SLC35A4: variants seen among roughly 807,000 people sequenced by gnomAD.
SLC35A4 encodes the protein solute carrier family 35 member A4.
In SLC35A4, 9 loss-of-function variants were observed where a neutral mutation model predicts 18.8. The observed-to-expected ratio is 0.48, with a 90% CI of 0.29 to 0.83. The LOEUF (loss-of-function observed/expected upper bound fraction) is 0.83, where lower values mean the gene tolerates loss of function less well. SLC35A4 is among the 40% of genes least tolerant of loss of function. The pLI is 0.09. For missense variants in SLC35A4, 404 were observed against 415.5 expected (o/e 0.97, Z 0.24); for synonymous variants, 189 against 191.9 (o/e 0.98, Z 0.13).
At position 140,566,987 on chromosome 5, in the gene SLC35A4, G is replaced by A. The variant is rs1188738765; in HGVS notation, c.-183G>A. 7 of 931,022 alleles carry A rather than the reference G, an allele frequency of 7.5e-6. No individual in the cohort carries two copies. Among genetic ancestry groups the A allele is most frequent in the Non-Finnish European group, 1.2e-5 (7 of 592,724 alleles). 57.7% of individuals were successfully genotyped at this position (931,022 alleles called of 1,614,324 possible). The stretch of plus-strand genomic sequence containing the variant: ...ACTCGCCCCAAGACTGTGGCTTCAA[G>A]GACCACCAGCCCCTTACTCTTCAAG... On this transcript the variant is annotated 5_prime_UTR_variant, in exon 3 of 3. Coordinates refer to ENST00000323146, the MANE Select transcript of SLC35A4 (RefSeq NM_080670.4).
At position 140,566,680 on chromosome 5, in the gene SLC35A4, A is replaced by G. The variant is rs17524123; in HGVS notation, c.-490A>G. ...GCTGTGGGCACCTGCACTGGCATCT[A>G]TGCGGCTCAGGCATATGCTGTGCCC... On this transcript the variant is annotated 5_prime_UTR_variant, in exon 3 of 3. It removes an upstream start codon present in the reference 5' UTR. Transcript: ENST00000323146. 5,545 of 523,564 alleles carry G rather than the reference A, an allele frequency of 0.011. 45 individuals carry two copies. The highest frequency in any genetic ancestry group is 0.014 in the Non-Finnish European group (4,047 of 296,868). 32.4% of individuals were successfully genotyped at this position (523,564 alleles called of 1,614,324 possible).
chr5:140,566,332 G>A lies in SLC35A4; in HGVS notation c.-605-233G>A, dbSNP rs550523488. 2.6e-5 allele frequency among the ~76,000 whole-genome samples: 4 copies of A among 152,292 alleles called. No homozygotes were observed. The South Asian group carries it at 8.3e-4, about 32-fold the overall frequency. On this transcript the variant is annotated intron_variant, in intron 2 of 2. Coordinates refer to ENST00000323146, the MANE Select transcript of SLC35A4 (RefSeq NM_080670.4). ...GCTAGGGGCATCTCTGACCTTGTGT[G>A]GCGGTGGAGTTCTATGGTTGGAGCT...
intron 1 of SLC35A4, 158 bp downstream of exon 1, chr5:140,565,016 G>A (rs1029960822): frequency 5.0e-6 from 2 of 398,550 alleles, no homozygotes; most frequent in African/African-American, 4.1e-5. Context: ...GTGGAGTGGT[G>A]TGGGGAGAGC....
Position 140,568,064 on chromosome 5 carries a change from C to T in SLC35A4, c.895C>T (p.Arg299Trp), listed in dbSNP as rs769736471. 2.0e-5 allele frequency: 32 copies of T among 1,613,824 alleles called. No homozygotes were observed. The Admixed American group carries it at 2.5e-4, about 13-fold the overall frequency. ...CGCCGTGCTCTCAGCAGTCCTGCTA[C>T]GGCTGCAGCTCACAGCCGCCTTCTT... is the stretch of plus-strand genomic sequence containing the variant. ...VNAVLSAVLLRLQLTAAFFLA... is the reference protein window; with the variant it reads ...VNAVLSAVLLWLQLTAAFFLA... Residue 299 changes from arginine to tryptophan, a missense_variant, in exon 3 of 3, where the codon CGG becomes TGG. Physicochemically the swap from Arg to Trp is moderately radical, Grantham distance 101. Transcript: ENST00000323146.
Position 140,567,109 on chromosome 5 carries a change from A to T in SLC35A4, c.-61A>T. The T allele has an allele frequency of 6.2e-7, 1 of 1,612,764 alleles. No homozygotes were observed. Among genetic ancestry groups the T allele is most frequent in the Non-Finnish European group, 8.5e-7 (1 of 1,179,862 alleles). The stretch of plus-strand genomic sequence containing the variant: ...TCCTGGGAGCTGGCTCCATAACTTG[A>T]TTTTCCCCAAACGTGTTGCAATCCC... On this transcript the variant is annotated 5_prime_UTR_variant, in exon 3 of 3. It removes the in-frame stop codon of an upstream open reading frame in the 5' UTR. Coordinates refer to ENST00000323146, the MANE Select transcript of SLC35A4 (RefSeq NM_080670.4).
At chr5:140,566,020 TG>T (rs1042187041) in intron 2 of SLC35A4, 49 bp downstream of exon 2, 18 of 398,794 alleles carry the variant, frequency 4.5e-5, no homozygotes, top group Non-Finnish European at 7.1e-5. Context: ...TTGCCCAACA[TG>T]CTCTTGAGAG....
At position 140,568,039 on chromosome 5, in the gene SLC35A4, C is replaced by A. The variant is rs1004272608; in HGVS notation, c.870C>A (p.Asn290Lys). The change falls in exon 3 of 3, where the codon AAC becomes AAA. Residue 290 changes from asparagine (N) to lysine (K), a missense_variant. Transcript: ENST00000323146. Reference protein sequence around the residue: ...LFVVSCSLVVNAVLSAVLLRL... With the variant: ...LFVVSCSLVVKAVLSAVLLRL... Reference sequence around the variant, plus strand: ...TGGTGTCCTGCTCGCTGGTGGTCAACGCCGTGCTCTCAGCAGTCCTGCTAC... The same window carrying A: ...TGGTGTCCTGCTCGCTGGTGGTCAAAGCCGTGCTCTCAGCAGTCCTGCTAC... 2 of 1,613,862 alleles carry A rather than the reference C, an allele frequency of 1.2e-6. No homozygotes were observed. The highest frequency in any genetic ancestry group is 1.3e-5 in the African/African-American group (1 of 74,932).
In SLC35A4 at chr5:140,567,440, C is replaced by G; in HGVS notation, c.271C>G (p.Leu91Val). 2.5e-6 allele frequency: 4 copies of G among 1,614,148 alleles called. No homozygotes were observed. The highest frequency in any genetic ancestry group is 3.4e-6 in the Non-Finnish European group (4 of 1,180,048). The change falls in exon 3 of 3, where the codon CTA becomes GTA. Residue 91 changes from leucine (L) to valine (V), a missense_variant. By Grantham distance (32) the Leu-to-Val change is conservative. Coordinates refer to ENST00000323146, the MANE Select transcript of SLC35A4 (RefSeq NM_080670.4). ...CTGGCGCCAGGCTGCTCCCTTCGCACTATCAGCCCTGCTCTATGGCGCTAA... is the reference window on the plus strand; with the variant it reads ...CTGGCGCCAGGCTGCTCCCTTCGCAGTATCAGCCCTGCTCTATGGCGCTAA... Reference protein sequence around the residue: ...PPWRQAAPFALSALLYGANNN... With the variant: ...PPWRQAAPFAVSALLYGANNN...
Position 140,567,492 on chromosome 5 carries a change from G to C in SLC35A4, c.323G>C (p.Arg108Pro), listed in dbSNP as rs192179393. ...AACAACCTGGTGATCTATCTTCAGC[G>C]TTACATGGACCCCAGCACCTACCAG... ...ANNNLVIYLQ[R>P]YMDPSTYQVL... Residue 108 changes from arginine to proline, a missense_variant, in exon 3 of 3, where the codon CGT becomes CCT. By Grantham distance (103) the Arg-to-Pro change is moderately radical. Coordinates refer to ENST00000323146, the MANE Select transcript of SLC35A4 (RefSeq NM_080670.4). The C allele has an allele frequency of 6.2e-7, 1 of 1,614,166 alleles. No individual in the cohort carries two copies. The highest frequency in any genetic ancestry group is 8.5e-7 in the Non-Finnish European group (1 of 1,180,038).
In SLC35A4 at chr5:140,567,778, A is replaced by G; in HGVS notation, c.609A>G (p.Ser203=). 1 of 1,614,066 alleles carries G rather than the reference A, an allele frequency of 6.2e-7. No individual in the cohort carries two copies. Among genetic ancestry groups the G allele is most frequent in the Non-Finnish European group, 8.5e-7 (1 of 1,180,026 alleles). Residue 203 remains serine (S), a synonymous_variant, in exon 3 of 3, where the codon TCA becomes TCG. Transcript: ENST00000323146. ...ACTGCCTCATCTCAGGCTTGTCGTC[A>G]GTGTACACAGAGCTGCTCATGAAGC... ...ILYCLISGLS[S]VYTELLMKRQ...
In SLC35A4 at chr5:140,566,773, C is replaced by T. The variant is rs1755198397; in HGVS notation, c.-397C>T. ...AAGGGGCCCGACTAGCTCTAGGTGC[C>T]ATGGAAGAGGCAGGATGAGCAGCTC... On this transcript the variant is annotated 5_prime_UTR_variant, in exon 3 of 3. Coordinates refer to ENST00000323146, the MANE Select transcript of SLC35A4 (RefSeq NM_080670.4). 3.3e-6 allele frequency: 2 copies of T among 599,254 alleles called. No homozygotes were observed. The allele number at this position is 599,254 out of a possible 1,614,324, so 37.1% of individuals were successfully genotyped here. A position where few individuals can be genotyped will look rare whatever the true frequency, so the allele number is the denominator to read the frequency against.
At position 140,567,532 on chromosome 5, in the gene SLC35A4, CAA is replaced by C; in HGVS notation, c.364_365del (p.Lys122AspfsTer237). On this transcript the variant is annotated frameshift_variant, in exon 3 of 3. Coordinates refer to ENST00000323146, the MANE Select transcript of SLC35A4 (RefSeq NM_080670.4). LOFTEE classifies it high-confidence loss of function. Reference sequence around the variant, plus strand: ...GCACCTACCAGGTGCTGAGTAATCTCAAGATTGGAAGCACAGCTGTGCTCTAC... The same window carrying C: ...GCACCTACCAGGTGCTGAGTAATCTCGATTGGAAGCACAGCTGTGCTCTAC... ...PSTYQVLSNL[K>X]IGSTAVLYCL... The C allele has an allele frequency of 6.2e-7, 1 of 1,614,206 alleles. No homozygotes were observed. The highest frequency in any genetic ancestry group is 1.3e-5 in the African/African-American group (1 of 75,072).
In SLC35A4 at chr5:140,567,004, C is replaced by A; in HGVS notation, c.-166C>A. 1 of 1,083,620 alleles carries A rather than the reference C, an allele frequency of 9.2e-7. No individual in the cohort carries two copies. Among genetic ancestry groups the A allele is most frequent in the Non-Finnish European group, 1.4e-6 (1 of 727,818 alleles). 67.1% of individuals were successfully genotyped at this position (1,083,620 alleles called of 1,614,324 possible). A position where few individuals can be genotyped will look rare whatever the true frequency, so the allele number is the denominator to read the frequency against. On this transcript the variant is annotated 5_prime_UTR_variant, in exon 3 of 3. The change creates a premature stop within an existing upstream ORF in the 5' untranslated region. Transcript: ENST00000323146. ...GGCTTCAAGGACCACCAGCCCCTTA[C>A]TCTTCAAGCCCTGACTGTGGAGTTG...
In SLC35A4 at chr5:140,566,121, T is replaced by C. The variant is rs7721718; in HGVS notation, c.-606+150T>C. On this transcript the variant is annotated intron_variant, in intron 2 of 2. Transcript: ENST00000323146. ...AAGGACAATTTTTCTGAATGGCACA[T>C]GAACTAATATCTTAAGTAGTGGTTA... 7.7e-3 allele frequency: 3,055 copies of C among 395,962 alleles called. 97 individuals are homozygous for C. The highest frequency in any genetic ancestry group is 0.056 in the African/African-American group (2,741 of 48,674). The allele number at this position is 395,962 out of a possible 1,614,324, so 24.5% of individuals were successfully genotyped here. A position where few individuals can be genotyped will look rare whatever the true frequency, so the allele number is the denominator to read the frequency against.
At position 140,567,845 on chromosome 5, in the gene SLC35A4, A is replaced by C; in HGVS notation, c.676A>C (p.Thr226Pro). The C allele has an allele frequency of 6.2e-7, 1 of 1,613,894 alleles. No homozygotes were observed. Among genetic ancestry groups the C allele is most frequent in the Non-Finnish European group, 8.5e-7 (1 of 1,179,978 alleles). The change falls in exon 3 of 3, where the codon ACT (threonine) becomes CCT (proline). Residue 226 changes from threonine to proline, a missense_variant. Thr to Pro is a conservative substitution (Grantham distance 38, BLOSUM62 -1). Transcript: ENST00000323146. ...PLALQNLFLY[T>P]FGVLLNLGLH... ...GGCACTTCAGAACCTCTTCCTCTAC[A>C]CTTTTGGTGTGCTTCTGAATCTAGG...
chr5:140,565,912 A>G lies in SLC35A4; in HGVS notation c.-665A>G. 1 of 398,932 alleles carries G rather than the reference A, an allele frequency of 2.5e-6. No homozygotes were observed. The highest frequency in any genetic ancestry group is 3.6e-5 in the East Asian group (1 of 28,058). The allele number at this position is 398,932 out of a possible 1,614,324, so 24.7% of individuals were successfully genotyped here. A position where few individuals can be genotyped will look rare whatever the true frequency, so the allele number is the denominator to read the frequency against. ...GCTTAAGGACCTGGCATTTCTCAAG[A>G]ACCAGCTGGAAAGCCTGCAGCGGCG... On this transcript the variant is annotated 5_prime_UTR_variant, in exon 2 of 3. Transcript: ENST00000323146.
In SLC35A4 at chr5:140,567,174, G is replaced by A; in HGVS notation, c.5G>A (p.Ser2Asn). Residue 2 changes from serine (S) to asparagine (N), a missense_variant, in exon 3 of 3, where the codon AGT (serine) becomes AAT (asparagine). By Grantham distance (46) the Ser-to-Asn change is conservative (BLOSUM62 1). Transcript: ENST00000323146. ...CACCCAGGGTCTTGTGTGGGTATGA[G>A]TGTAGAGGATGGGGGTATGCCAGGC... MSVEDGGMPGLG... is the reference protein window; with the variant it reads MNVEDGGMPGLG... The A allele has an allele frequency of 3.7e-6, 6 of 1,614,248 alleles. No homozygotes were observed. The highest frequency in any genetic ancestry group is 5.1e-6 in the Non-Finnish European group (6 of 1,180,038).
At position 140,568,008 on chromosome 5, in the gene SLC35A4, T is replaced by G. The variant is rs970281579; in HGVS notation, c.839T>G (p.Leu280Arg). ...AAGCATGGCAGCAGCATCACACGCC[T>G]CTTTGTGGTGTCCTGCTCGCTGGTG... ...VMKHGSSITR[L>R]FVVSCSLVVN... is the part of the protein sequence containing the mutation. The change falls in exon 3 of 3, where the codon CTC becomes CGC. Residue 280 changes from leucine (L) to arginine (R), a missense_variant. Coordinates refer to ENST00000323146, the MANE Select transcript of SLC35A4 (RefSeq NM_080670.4). 1.2e-6 allele frequency: 2 copies of G among 1,614,082 alleles called. No homozygotes were observed. Among genetic ancestry groups the G allele is most frequent in the Non-Finnish European group, 1.7e-6 (2 of 1,180,004 alleles).
Position 140,567,852 on chromosome 5 carries a change from G to T in SLC35A4, c.683G>T (p.Gly228Val). The T allele has an allele frequency of 1.9e-6, 3 of 1,614,150 alleles. No individual in the cohort carries two copies. The highest frequency in any genetic ancestry group is 2.2e-5 in the South Asian group (2 of 91,088). ...ALQNLFLYTF[G>V]VLLNLGLHAG... is the part of the protein sequence containing the mutation. ...CAGAACCTCTTCCTCTACACTTTTG[G>T]TGTGCTTCTGAATCTAGGTCTGCAT... is the stretch of plus-strand genomic sequence containing the variant. The change falls in exon 3 of 3, where the codon GGT becomes GTT. Residue 228 changes from glycine (G) to valine (V), a missense_variant. Gly to Val is a moderately radical substitution (Grantham distance 109). Coordinates refer to ENST00000323146, the MANE Select transcript of SLC35A4 (RefSeq NM_080670.4).
Sources: allele counts gnomAD v4.1 joint callset (sites outside exome capture counted in the v4.1 genomes callset), GRCh38; gene constraint gnomAD v4.1.1; transcripts MANE v1.5; gene names NCBI Gene and HGNC (gene_info 2026-07-23, HGNC 2026-07-21).